DENND2B: variants seen among roughly 807,000 people sequenced by gnomAD.
DENND2B encodes DENN domain containing 2B, also known as DENN domain-containing protein 2B.
Under a neutral mutation model 116.0 loss-of-function variants are expected in DENND2B, and 32 were observed. That is an observed-to-expected ratio of 0.28 (90% confidence interval 0.21 to 0.37). The LOEUF is 0.37. DENND2B is among the 10% of genes least tolerant of loss of function. The probability of loss-of-function intolerance (pLI) is 1.00; values close to 1 mark genes in which losing one functional copy is unlikely to be tolerated. For synonymous variants in DENND2B, 588 were observed against 583.9 expected (o/e 1.01, Z -0.10); for missense variants, 1,276 against 1,477.7 (o/e 0.86, Z 2.24).
chr11:8,886,114 T>C (rs117209991), intron 1 of DENND2B, among the ~76,000 whole-genome samples: 3,147 of 152,218 alleles, frequency 0.021, 45 homozygotes, highest in Middle Eastern at 0.034. Flanking sequence ...TAAAATTTTT[T>C]TGTAGAGACA....
At chr11:8,725,649 T>C (rs1169489863) in intron 4 of DENND2B, among the ~76,000 whole-genome samples, 2 of 152,174 alleles carry the variant, frequency 1.3e-5, no homozygotes, top group Admixed American at 1.3e-4. Context: ...CGAGCCACCA[T>C]GCCCGGCTCG....
chr11:8,806,605 AACACACAC>A (rs71059180), intron 1 of DENND2B, among the ~76,000 whole-genome samples: 6 of 118,494 alleles, frequency 5.1e-5, no homozygotes, highest in African/African-American at 9.3e-5. Flanking sequence ...CTCCCTTCAA[AACACACAC>A]ACACACACAC....
At chr11:8,845,698 T>A (rs1006826636) in intron 3 of DENND2B, among the ~76,000 whole-genome samples, 1 of 152,148 alleles carries the variant, frequency 6.6e-6, no homozygotes, top group Non-Finnish European at 1.5e-5. Context: ...GCAACTGAAT[T>A]CTCAGACAGA....
At chr11:8,774,777 T>C (rs775156805) in intron 1 of DENND2B, among the ~76,000 whole-genome samples, 19 of 151,910 alleles carry the variant, frequency 1.3e-4, no homozygotes, top group Non-Finnish European at 2.4e-4. Context: ...CTCTTGTCTA[T>C]AGGATGATGT....
intron 2 of DENND2B, among the ~76,000 whole-genome samples, chr11:8,745,307 A>G (rs1202657908): frequency 1.3e-5 from 2 of 152,124 alleles, no homozygotes; most frequent in East Asian, 3.9e-4. Flanking sequence ...TGCCTGCCTC[A>G]GCCTCCCCAA....
intron 3 of DENND2B, among the ~76,000 whole-genome samples, chr11:8,849,354 G>A (rs1335646020): frequency 2.0e-5 from 3 of 151,930 alleles, no homozygotes; most frequent in African/African-American, 7.3e-5. Context: ...TTTGCCAGGT[G>A]TGGTGGCAGA....
At chr11:8,810,992 G>C, upstream of DENND2B, 1 of 290,198 alleles carries the variant, frequency 3.4e-6, no homozygotes, top group Non-Finnish European at 6.3e-6. Context: ...GAAGGGAGAA[G>C]ACAGTGAGTG....
At chr11:8,729,906 AGC>A in intron 3 of DENND2B, 42 bp downstream of exon 3, 2 of 1,595,472 alleles carry the variant, frequency 1.3e-6, no homozygotes, top group South Asian at 2.3e-5. Context: ...TTTAAAAGAA[AGC>A]CACGGTATTC....
upstream of DENND2B, among the ~76,000 whole-genome samples, chr11:8,875,277 C>T (rs1299319695): frequency 1.7e-4 from 25 of 145,742 alleles, no homozygotes; most frequent in Non-Finnish European, 1.4e-4. Flanking sequence ...GAGCCCAGAT[C>T]GCGCCACTGC....
chr11:8,846,850 T>C (rs1016233870), intron 3 of DENND2B, among the ~76,000 whole-genome samples: 3 of 152,222 alleles, frequency 2.0e-5, no homozygotes, highest in Admixed American at 6.5e-5. Flanking sequence ...CCTTAGCTCT[T>C]TGCTGTAGGT....
intron 1 of DENND2B, chr11:8,768,842 C>T (rs954287055): frequency 6.6e-6 from 1 of 152,334 alleles, no homozygotes; most frequent in Non-Finnish European, 1.5e-5. Flanking sequence ...TTTCTAAGCT[C>T]TTGTATATTT....
intron 1 of DENND2B, among the ~76,000 whole-genome samples, chr11:8,775,247 C>T (rs906281505): frequency 6.6e-6 from 1 of 152,096 alleles, no homozygotes; most frequent in African/African-American, 2.4e-5. Flanking sequence ...AAAGGTATAG[C>T]TCTGATGTCG....
At chr11:8,907,146 C>A (rs2064249340) in intron 1 of DENND2B, among the ~76,000 whole-genome samples, 1 of 152,234 alleles carries the variant, frequency 6.6e-6, no homozygotes, top group African/African-American at 2.4e-5. Context: ...ACCCTGACAA[C>A]TAACTTTCAT....
intron 1 of DENND2B, among the ~76,000 whole-genome samples, chr11:8,795,446 T>G (rs2059734978): frequency 1.3e-5 from 2 of 152,178 alleles, no homozygotes; most frequent in Admixed American, 6.5e-5. Flanking sequence ...AAATGCAAAT[T>G]TTTACTAAAA....
chr11:8,875,689 A>G (rs1212042073), upstream of DENND2B, among the ~76,000 whole-genome samples: 1 of 152,146 alleles, frequency 6.6e-6, no homozygotes, highest in Non-Finnish European at 1.5e-5. Context: ...TCAGCCTCCC[A>G]AAGTGCTGGG....
At chr11:8,817,153 C>A (rs774973014) in intron 4 of DENND2B, among the ~76,000 whole-genome samples, 22 of 152,184 alleles carry the variant, frequency 1.4e-4, no homozygotes, top group Non-Finnish European at 3.1e-4. Context: ...TGCTCAGACT[C>A]ACCCCTATCC....
intron 2 of DENND2B, among the ~76,000 whole-genome samples, chr11:8,870,644 C>T (rs545338786): frequency 3.3e-5 from 5 of 152,128 alleles, no homozygotes; most frequent in East Asian, 3.9e-4. Context: ...CCAGGACGTC[C>T]CGAGATCGGG....
At position 8,867,098 on chromosome 11, in the gene DENND2B, G is replaced by GAT. The variant is rs376308876; in HGVS notation, c.-250+3854_-250+3855dup. On this transcript the variant is annotated intron_variant, in intron 2 of 6. Transcript: ENST00000524757. ...TCCTTAGTGAGCCCTCCTGCTAGGG[G>GAT]ATATTCCTTGGCCAAACAACCAAGT... Among the ~76,000 whole-genome samples the GAT allele has an allele frequency of 5.4e-3, 816 of 152,260 alleles. 14 individuals are homozygous for GAT. Among genetic ancestry groups the GAT allele is most frequent in the African/African-American group, 0.019 (782 of 41,524 alleles).
intron 1 of DENND2B, chr11:8,809,977 G>C (rs1028766444): frequency 6.6e-6 from 1 of 151,588 alleles, no homozygotes; most frequent in East Asian, 1.9e-4. Context: ...CCCTGTGACA[G>C]TCCCTCTGTC....
Sources: gnomAD v4.1 joint callset for allele counts (sites outside exome capture counted in the v4.1 genomes callset) on GRCh38, gnomAD v4.1.1 for gene constraint, MANE v1.5 for transcripts, NCBI Gene and HGNC (gene_info 2026-07-23, HGNC 2026-07-21) for gene names.